The following C10orf67 variants were observed in gnomAD, a reference collection of about 807,000 sequenced individuals.
C10orf67 encodes chromosome 10 open reading frame 67.
Under a neutral mutation model 35.6 loss-of-function variants are expected in C10orf67, and 60 were observed. The observed-to-expected ratio is 1.68, with a 90% CI of 1.37 to 2.09. C10orf67 has a LOEUF of 2.09. C10orf67 is among the 30% of genes most tolerant of loss of function. The pLI is 0.00. For synonymous variants in C10orf67, 167 were observed against 115.8 expected (o/e 1.44, Z -2.84); for missense variants, 474 against 330.2 (o/e 1.44, Z -3.38).
At chr10:23,336,453 C>G (rs1845685134) in intron 1 of C10orf67, among the ~76,000 whole-genome samples, 1 of 152,158 alleles carries the variant, frequency 6.6e-6, no homozygotes, top group East Asian at 1.9e-4. Context: ...AAGAATGGCA[C>G]TCCAGTAGTG....
At chr10:23,259,157 CTT>C (rs1339527816) in intron 10 of C10orf67, among the ~76,000 whole-genome samples, 1 of 152,176 alleles carries the variant, frequency 6.6e-6, no homozygotes, top group African/African-American at 2.4e-5. Context: ...AATGTAAACA[CTT>C]TCTCTGTTTA....
intron 12 of C10orf67, among the ~76,000 whole-genome samples, chr10:23,243,961 G>A (rs1168891055): frequency 1.3e-5 from 2 of 152,064 alleles, no homozygotes; most frequent in Non-Finnish European, 1.5e-5. Context: ...GCATGAACAG[G>A]GCTTACGGCA....
At chr10:23,327,810 G>T (rs1319898413) in intron 2 of C10orf67, among the ~76,000 whole-genome samples, 1 of 151,222 alleles carries the variant, frequency 6.6e-6, no homozygotes, top group Non-Finnish European at 1.5e-5. Context: ...GGGTGACAGG[G>T]CAAGACTCCA....
chr10:23,305,980 C>CAT (rs1164795340), intron 4 of C10orf67, among the ~76,000 whole-genome samples: 1 of 151,900 alleles, frequency 6.6e-6, no homozygotes, highest in African/African-American at 2.4e-5. Flanking sequence ...CACACACACA[C>CAT]ACACACTCTC....
chr10:23,327,492 G>C (rs1174626379), intron 2 of C10orf67, among the ~76,000 whole-genome samples: 1 of 152,022 alleles, frequency 6.6e-6, no homozygotes, highest in Non-Finnish European at 1.5e-5. Flanking sequence ...CCTTCATATA[G>C]AAAAAATACA....
chr10:23,223,017 T>C (rs1841627713), intron 15 of C10orf67, among the ~76,000 whole-genome samples: 1 of 152,184 alleles, frequency 6.6e-6, no homozygotes, highest in South Asian at 2.1e-4. Context: ...TTGTTGGCAG[T>C]TTAATTTTAA....
chr10:23,221,104 A>G (rs1270874206), intron 15 of C10orf67, among the ~76,000 whole-genome samples: 1 of 152,186 alleles, frequency 6.6e-6, no homozygotes, highest in Admixed American at 6.5e-5. Flanking sequence ...TAATTCATGG[A>G]GAAAAGAGGT....
At chr10:23,241,551 C>G (rs1175795845) in intron 12 of C10orf67, among the ~76,000 whole-genome samples, 3 of 152,126 alleles carry the variant, frequency 2.0e-5, no homozygotes, top group African/African-American at 7.2e-5. Flanking sequence ...TTTCTAATTT[C>G]TGGAAATTTT....
chr10:23,317,588 T>C (rs945688567), intron 4 of C10orf67: 1 of 152,196 alleles, frequency 6.6e-6, no homozygotes, highest in African/African-American at 2.4e-5. Flanking sequence ...GATTACATGG[T>C]TTATGGATGA....
intron 8 of C10orf67, among the ~76,000 whole-genome samples, chr10:23,267,887 G>A (rs918897496): frequency 6.6e-6 from 1 of 151,228 alleles, no homozygotes; most frequent in Admixed American, 6.6e-5. Context: ...GGCAACAAGA[G>A]TGAAACTCAG....
chr10:23,331,086 A>G (rs1165219093), intron 2 of C10orf67, among the ~76,000 whole-genome samples: 3 of 19,236 alleles, frequency 1.6e-4, no homozygotes, highest in Non-Finnish European at 2.4e-4. Flanking sequence ...GAGGGAGGGG[A>G]TAGGAGGGGA....
intron 4 of C10orf67, among the ~76,000 whole-genome samples, chr10:23,316,396 T>G (rs1164363427): frequency 6.6e-6 from 1 of 152,212 alleles, no homozygotes; most frequent in African/African-American, 2.4e-5. Flanking sequence ...CAACACTGGC[T>G]CAGGGAGCTC....
At chr10:23,318,954 A>G (rs768573561) in intron 4 of C10orf67, 2 of 764,200 alleles carry the variant, frequency 2.6e-6, no homozygotes, top group Non-Finnish European at 4.9e-6. Flanking sequence ...GAGACATAAA[A>G]TGTCAAGCAA....
At chr10:23,296,774 GA>G (rs1396576217) in intron 5 of C10orf67, among the ~76,000 whole-genome samples, 4 of 152,178 alleles carry the variant, frequency 2.6e-5, no homozygotes, top group South Asian at 4.1e-4. Context: ...TTACAGCTTT[GA>G]TTCTGGAAGA....
intron 8 of C10orf67, among the ~76,000 whole-genome samples, chr10:23,279,894 G>A (rs778763070): frequency 7.3e-5 from 11 of 151,676 alleles, no homozygotes; most frequent in East Asian, 5.8e-4. Flanking sequence ...TCTGTCGCCC[G>A]GGCTGAAAAG....
At chr10:23,270,095 C>T (rs2132207572) in intron 8 of C10orf67, among the ~76,000 whole-genome samples, 1 of 152,192 alleles carries the variant, frequency 6.6e-6, no homozygotes, top group East Asian at 1.9e-4. Context: ...GGCCAAGAGC[C>T]AATTAGAAGC....
chr10:23,275,842 G>A (rs559109197), intron 8 of C10orf67, among the ~76,000 whole-genome samples: 21 of 152,216 alleles, frequency 1.4e-4, no homozygotes, highest in Admixed American at 2.6e-4. Context: ...AAAGTTGGGC[G>A]GGAGTCACTT....
chr10:23,319,114 C>T (rs1338824573), intron 4 of C10orf67, among the ~76,000 whole-genome samples: 3 of 152,050 alleles, frequency 2.0e-5, no homozygotes, highest in African/African-American at 7.2e-5. Flanking sequence ...AGGTAATAAG[C>T]ATAGTACTCA....
chr10:23,333,290 A>G, intron 1 of C10orf67, 108 bp from the exon 2 acceptor site: 2 of 1,058,668 alleles, frequency 1.9e-6, no homozygotes, highest in East Asian at 2.5e-5. Flanking sequence ...AAGTATTCTA[A>G]GAGGTTGGTG....
Sources: allele counts gnomAD v4.1 joint callset (sites outside exome capture counted in the v4.1 genomes callset), GRCh38; gene constraint gnomAD v4.1.1; transcripts MANE v1.5; gene names NCBI Gene and HGNC (gene_info 2026-07-23, HGNC 2026-07-21).